Variants in PLS1 observed in about 807,000 individuals in gnomAD.
The protein encoded by PLS1 is plastin-1.
A neutral mutation model predicts 73.7 loss-of-function variants in PLS1; 32 were observed. That is an observed-to-expected ratio of 0.43 (90% confidence interval 0.33 to 0.58). The LOEUF is 0.58. Among genes scored for constraint, PLS1 ranks in the 20% least tolerant of loss-of-function variants. The pLI is 0.04. For synonymous variants in PLS1, 217 were observed against 261.3 expected, an observed-to-expected ratio of 0.83 and a Z score of 1.63; for missense variants, 633 against 740.5, an observed-to-expected ratio of 0.85 and a Z score of 1.68.
intron 14 of PLS1, among the ~76,000 whole-genome samples, chr3:142,705,508 G>A (rs1468505872): frequency 1.3e-5 from 2 of 152,186 alleles, no homozygotes; most frequent in Admixed American, 1.3e-4. Context: ...TTGCATGCAA[G>A]CCGATGTTAG....
At chr3:142,678,976 A>G (rs894291979) in intron 6 of PLS1, among the ~76,000 whole-genome samples, 11 of 152,082 alleles carry the variant, frequency 7.2e-5, no homozygotes, top group East Asian at 1.9e-4. Flanking sequence ...TAACTGGTGT[A>G]AGATGGTATC....
chr3:142,619,028 C>T (rs115861807), intron 1 of PLS1, among the ~76,000 whole-genome samples: 57 of 152,224 alleles, frequency 3.7e-4, no homozygotes, highest in African/African-American at 1.3e-3. Flanking sequence ...CGGTGGTTAT[C>T]GCTACCAGCA....
chr3:142,699,700 C>T (rs2038286430), intron 12 of PLS1, among the ~76,000 whole-genome samples: 1 of 151,954 alleles, frequency 6.6e-6, no homozygotes, highest in Non-Finnish European at 1.5e-5. Flanking sequence ...ATAACACATA[C>T]AGAGATGTAT....
intron 1 of PLS1, among the ~76,000 whole-genome samples, chr3:142,640,583 C>G: frequency 6.6e-6 from 1 of 151,972 alleles, no homozygotes; most frequent in South Asian, 2.1e-4. Flanking sequence ...GAATGATTAC[C>G]AAGACTTTAA....
At chr3:142,659,329 T>C (rs2037312443) in intron 1 of PLS1, among the ~76,000 whole-genome samples, 1 of 152,162 alleles carries the variant, frequency 6.6e-6, no homozygotes, top group Admixed American at 6.6e-5. Flanking sequence ...AAAAGGTGCC[T>C]TTGTGGAAAG....
intron 1 of PLS1, among the ~76,000 whole-genome samples, chr3:142,616,398 A>G (rs988943589): frequency 5.3e-5 from 8 of 152,210 alleles, no homozygotes; most frequent in African/African-American, 1.9e-4. Context: ...ATAGAAAATA[A>G]TAGGTATTGT....
intron 1 of PLS1, among the ~76,000 whole-genome samples, chr3:142,620,597 G>A (rs536936000): frequency 2.2e-4 from 34 of 152,296 alleles, no homozygotes; most frequent in African/African-American, 7.9e-4. Context: ...TTTTCTAAAT[G>A]TTCTTGCTTT....
At position 142,698,043 on chromosome 3, in the gene PLS1, T is replaced by C. The variant is rs772500647; in HGVS notation, c.1347T>C (p.Pro449=). The C allele has an allele frequency of 8.7e-6, 14 of 1,600,378 alleles. No individual in the cohort carries two copies. The highest frequency in any genetic ancestry group is 1.0e-5 in the Non-Finnish European group (12 of 1,167,660). Residue 449 remains proline, a synonymous_variant, in exon 12 of 16, where the codon CCT becomes CCC. Coordinates refer to ENST00000457734, the MANE Select transcript of PLS1 (RefSeq NM_001145319.2). ...GCCATGTCAACAAACCTCCTTATCC[T>C]GCCCTTGGAGGGAACATGAAGAAGG... is the stretch of plus-strand genomic sequence containing the variant. ...NWSHVNKPPY[P]ALGGNMKKIE... is the part of the protein sequence containing the mutation.
At chr3:142,609,945 TG>T (rs1387335556) in intron 1 of PLS1, among the ~76,000 whole-genome samples, 1 of 152,186 alleles carries the variant, frequency 6.6e-6, no homozygotes, top group Non-Finnish European at 1.5e-5. Flanking sequence ...CTTGTCTCAC[TG>T]CAATCTCCAC....
At chr3:142,631,040 G>A (rs576654204) in intron 1 of PLS1, among the ~76,000 whole-genome samples, 1 of 151,838 alleles carries the variant, frequency 6.6e-6, no homozygotes, top group South Asian at 2.1e-4. Context: ...GAGACAGTCT[G>A]TTCAACAGAT....
intron 5 of PLS1, among the ~76,000 whole-genome samples, chr3:142,676,700 C>T (rs2037733277): frequency 6.6e-6 from 1 of 152,122 alleles, no homozygotes; most frequent in African/African-American, 2.4e-5. Flanking sequence ...TTGATTCAGC[C>T]TTGTGTTATC....
In PLS1 at chr3:142,713,144, T is replaced by C. The variant is rs1933212983; in HGVS notation, c.*1137T>C. 1 of 152,574 alleles carries C rather than the reference T, an allele frequency of 6.6e-6. No individual in the cohort carries two copies. Among genetic ancestry groups the C allele is most frequent in the African/African-American group, 2.4e-5 (1 of 41,464 alleles). The allele number at this position is 152,574 out of a possible 1,614,324, so 9.5% of individuals were successfully genotyped here. A position where few individuals can be genotyped will look rare whatever the true frequency, so the allele number is the denominator to read the frequency against. On this transcript the variant is annotated 3_prime_UTR_variant, in exon 16 of 16. Transcript: ENST00000457734. ...TTACAAATTGGCAATGTTTGGTTAA[T>C]GTTTGTATTACTTGGAAATCGCTAC...
Position 142,689,682 on chromosome 3 carries a change from A to G in PLS1, c.1046A>G (p.Gln349Arg). Residue 349 changes from glutamine to arginine, a missense_variant, in exon 10 of 16, where the codon CAG becomes CGG. Physicochemically the swap from Gln to Arg is conservative, Grantham distance 43. Transcript: ENST00000457734. The stretch of plus-strand genomic sequence containing the variant: ...GAAGCAGATAAACTGGGCTGCAAAC[A>G]GTTTGTTACTCCTGCAGATGTGGTT... Reference protein sequence around the residue: ...LQEADKLGCKQFVTPADVVSG... With the variant: ...LQEADKLGCKRFVTPADVVSG... 6.2e-7 allele frequency: 1 copy of G among 1,611,942 alleles called. No homozygotes were observed. Among genetic ancestry groups the G allele is most frequent in the Non-Finnish European group, 8.5e-7 (1 of 1,179,046 alleles).
At chr3:142,703,679 G>T (rs1050980830) in intron 12 of PLS1, among the ~76,000 whole-genome samples, 189 bp from the exon 13 acceptor site, 2 of 152,088 alleles carry the variant, frequency 1.3e-5, no homozygotes, top group East Asian at 3.8e-4. Context: ...CCCACTCAGT[G>T]CTTTAATATC....
intron 1 of PLS1, among the ~76,000 whole-genome samples, chr3:142,648,994 G>T (rs1043504591): frequency 1.3e-5 from 2 of 152,124 alleles, no homozygotes; most frequent in Non-Finnish European, 2.9e-5. Context: ...TTTACTCTCA[G>T]ATACTAAGTA....
chr3:142,695,188 AT>A (rs1271123795), intron 11 of PLS1, among the ~76,000 whole-genome samples: 335 of 151,194 alleles, frequency 2.2e-3, no homozygotes, highest in African/African-American at 6.5e-3. Flanking sequence ...AGCTAGTTGT[AT>A]TTTTTTTTAG....
chr3:142,601,774 C>T (rs1235362745), intron 1 of PLS1, among the ~76,000 whole-genome samples: 1 of 152,172 alleles, frequency 6.6e-6, no homozygotes, highest in Non-Finnish European at 1.5e-5. Context: ...ACCTCAGCTT[C>T]CCGAAGCCCT....
At chr3:142,600,894 ATATATATATATATATATATATATTTT>A (rs1287168031) in intron 1 of PLS1, among the ~76,000 whole-genome samples, 5 of 25,844 alleles carry the variant, frequency 1.9e-4, no homozygotes, top group South Asian at 1.4e-3. Context: ...ATATATATAT[ATATATATATATATATATATATATTTT>A]TTTTTTTTTT....
intron 1 of PLS1, among the ~76,000 whole-genome samples, chr3:142,647,777 G>A (rs1210102466): frequency 6.6e-6 from 1 of 152,040 alleles, no homozygotes; most frequent in African/African-American, 2.4e-5. Flanking sequence ...CAGCCAATTG[G>A]TACCTATTCT....
Sources: allele counts gnomAD v4.1 joint callset (sites outside exome capture counted in the v4.1 genomes callset), GRCh38; gene constraint gnomAD v4.1.1; transcripts MANE v1.5; gene names NCBI Gene and HGNC (gene_info 2026-07-23, HGNC 2026-07-21).